Variants in C6orf141 observed in about 807,000 individuals in gnomAD.
C6orf141 encodes uncharacterized protein C6orf141.
For missense variants in C6orf141, 361 were observed against 335.8 expected (o/e 1.07, Z -0.59); for synonymous variants, 164 against 140.5 (o/e 1.17, Z -1.18).
At position 49,551,711 on chromosome 6, in the gene C6orf141, C is replaced by A; in HGVS notation, c.*184C>A. The A allele has an allele frequency of 7.0e-6, 10 of 1,432,686 alleles. No individual in the cohort carries two copies. Among genetic ancestry groups the A allele is most frequent in the Non-Finnish European group, 8.2e-6 (9 of 1,092,936 alleles). 88.7% of individuals were successfully genotyped at this position (1,432,686 alleles called of 1,614,324 possible). A position where few individuals can be genotyped will look rare whatever the true frequency, so the allele number is the denominator to read the frequency against. On this transcript the variant is annotated 3_prime_UTR_variant, in exon 1 of 1. Coordinates refer to ENST00000529246, the MANE Select transcript of C6orf141 (RefSeq NM_001145652.2). ...TAATACCTCCTTTGTGGCTTGAATT[C>A]CTTCGCTGTCTGGGGACCTAAGTCA...
At chr6:49,561,255 A>T (rs1773270387) in intron 4 of C6orf141, among the ~76,000 whole-genome samples, 1 of 152,066 alleles carries the variant, frequency 6.6e-6, no homozygotes, top group South Asian at 2.1e-4. Flanking sequence ...GTGCAGCCAA[A>T]CCTGGCTAAT....
rs1205295841 is a variant in C6orf141 at position 49,551,630 on chromosome 6, C to T, written c.*103C>T. ...CCTGCAATTAACCTACAGAAGGAAC[C>T]TTTTGAGAGGCTGGTGCAGCGCTTC... On this transcript the variant is annotated 3_prime_UTR_variant, in exon 1 of 1. Transcript: ENST00000529246. 1 of 1,498,666 alleles carries T rather than the reference C, an allele frequency of 6.7e-7. No individual in the cohort carries two copies. The highest frequency in any genetic ancestry group is 8.9e-7 in the Non-Finnish European group (1 of 1,127,728). 92.8% of individuals were successfully genotyped at this position (1,498,666 alleles called of 1,614,324 possible).
At chr6:49,560,112 G>A (rs1198689623) in intron 4 of C6orf141, among the ~76,000 whole-genome samples, 2 of 152,074 alleles carry the variant, frequency 1.3e-5, no homozygotes, top group South Asian at 2.1e-4. Flanking sequence ...TCTGGAGTTC[G>A]AAACCAGCCT....
downstream of C6orf141, among the ~76,000 whole-genome samples, chr6:49,554,514 G>A (rs940532510): frequency 1.3e-5 from 2 of 150,946 alleles, no homozygotes; most frequent in Admixed American, 1.3e-4. Flanking sequence ...CTGAGTAGCT[G>A]GGACTACATG....
intron 4 of C6orf141, chr6:49,560,517 C>G (rs536983376): frequency 2.0e-5 from 3 of 152,218 alleles, no homozygotes; most frequent in African/African-American, 7.2e-5. Flanking sequence ...AAAAGTCTTT[C>G]TGCTTTCTTT....
intron 4 of C6orf141, among the ~76,000 whole-genome samples, chr6:49,558,059 G>T (rs1218262211): frequency 2.6e-4 from 25 of 97,742 alleles, no homozygotes; most frequent in Admixed American, 3.9e-4. Flanking sequence ...ACTCAAATAT[G>T]TTTTTTTTTT....
intron 4 of C6orf141, among the ~76,000 whole-genome samples, chr6:49,561,201 G>C (rs1433203822): frequency 6.6e-6 from 1 of 151,778 alleles, no homozygotes; most frequent in African/African-American, 2.4e-5. Flanking sequence ...GGGTTCAAGC[G>C]ATTCTCGTGC....
chr6:49,550,873 G>C lies in C6orf141; in HGVS notation c.81G>C (p.Gly27=). The C allele has an allele frequency of 6.6e-7, 1 of 1,510,368 alleles. No homozygotes were observed. The highest frequency in any genetic ancestry group is 8.8e-7 in the Non-Finnish European group (1 of 1,132,698). The allele number at this position is 1,510,368 out of a possible 1,614,324, so 93.6% of individuals were successfully genotyped here. ...ANPMDSSRSL[G]DLGPFPREVG... is the part of the protein sequence containing the mutation. ...CCATGGACTCCTCCCGCAGCCTGGG[G>C]GACCTCGGGCCTTTTCCGCGGGAGG... is the stretch of plus-strand genomic sequence containing the variant. Residue 27 remains glycine, a synonymous_variant, in exon 1 of 1, where the codon GGG becomes GGC. Coordinates refer to ENST00000529246, the MANE Select transcript of C6orf141 (RefSeq NM_001145652.2).
chr6:49,551,398 G>A lies in C6orf141; in HGVS notation c.606G>A (p.Gln202=). The A allele has an allele frequency of 6.4e-7, 1 of 1,551,706 alleles. No individual in the cohort carries two copies. The highest frequency in any genetic ancestry group is 8.7e-7 in the Non-Finnish European group (1 of 1,146,994). The part of the protein sequence containing the change: ...ALTFRSSREG[Q]PGERWGPAES... Reference sequence around the variant, plus strand: ...CTTTTCGCAGCAGTAGAGAGGGACAGCCTGGGGAACGCTGGGGCCCTGCTG... The same window carrying A: ...CTTTTCGCAGCAGTAGAGAGGGACAACCTGGGGAACGCTGGGGCCCTGCTG... The change falls in exon 1 of 1, where the codon CAG becomes CAA. Residue 202 remains glutamine, a synonymous_variant. Coordinates refer to ENST00000529246, the MANE Select transcript of C6orf141 (RefSeq NM_001145652.2).
downstream of C6orf141, among the ~76,000 whole-genome samples, chr6:49,556,735 A>G (rs994195501): frequency 6.6e-6 from 1 of 152,178 alleles, no homozygotes; most frequent in Non-Finnish European, 1.5e-5. Context: ...GAACACCATG[A>G]CATCTCTATA....
At chr6:49,556,374 G>T (rs537324954), downstream of C6orf141, among the ~76,000 whole-genome samples, 1 of 152,170 alleles carries the variant, frequency 6.6e-6, no homozygotes, top group Non-Finnish European at 1.5e-5. Context: ...AAAGATAGAG[G>T]ATATGAATGG....
chr6:49,559,018 C>A (rs1772685582), intron 4 of C6orf141, among the ~76,000 whole-genome samples: 1 of 151,388 alleles, frequency 6.6e-6, no homozygotes, highest in African/African-American at 2.4e-5. Context: ...TCAGTTTACT[C>A]TTCAATCTAA....
In C6orf141 at chr6:49,551,871, T is replaced by C; in HGVS notation, c.*344T>C. 1 of 1,147,750 alleles carries C rather than the reference T, an allele frequency of 8.7e-7. No homozygotes were observed. Among genetic ancestry groups the C allele is most frequent in the Non-Finnish European group, 1.1e-6 (1 of 921,064 alleles). 71.1% of individuals were successfully genotyped at this position (1,147,750 alleles called of 1,614,324 possible). ...TTTCTGTTCCCCGCCCCCCTCTTGT[T>C]TCTCTTTAGGACCTAGAAACAGAAG... On this transcript the variant is annotated 3_prime_UTR_variant, in exon 1 of 1. Transcript: ENST00000529246.
chr6:49,554,170 G>A (rs1365388038), downstream of C6orf141, among the ~76,000 whole-genome samples: 1 of 152,168 alleles, frequency 6.6e-6, no homozygotes, highest in African/African-American at 2.4e-5. Flanking sequence ...TCACTGAAAA[G>A]AGTTTACATA....
chr6:49,553,458 C>T (rs907374549), downstream of C6orf141, among the ~76,000 whole-genome samples: 3 of 152,180 alleles, frequency 2.0e-5, no homozygotes, highest in African/African-American at 7.2e-5. Context: ...TAACAACCCT[C>T]CCTGACTCCA....
rs1410842690 is a variant in C6orf141, at chr6:49,551,208, G to T, written c.416G>T (p.Arg139Leu). ...CCTTCTGTCTTTCAACGACAAAAGCGAATTTCTGGCAGGCGTGTAGCCCCG... is the reference window on the plus strand; with the variant it reads ...CCTTCTGTCTTTCAACGACAAAAGCTAATTTCTGGCAGGCGTGTAGCCCCG... ...NYPSVFQRQK[R>L]ISGRRVAPPR... The change falls in exon 1 of 1, where the codon CGA becomes CTA. Residue 139 changes from arginine (R) to leucine (L), a missense_variant. Arg to Leu is a moderately radical substitution (Grantham distance 102, BLOSUM62 -2). Coordinates refer to ENST00000529246, the MANE Select transcript of C6orf141 (RefSeq NM_001145652.2). 5 of 1,551,556 alleles carry T rather than the reference G, an allele frequency of 3.2e-6. No homozygotes were observed. The Admixed American group carries it at 9.8e-5, about 30-fold the overall frequency.
downstream of C6orf141, chr6:49,555,106 C>T (rs375683066): frequency 1.1e-4 from 16 of 152,244 alleles, no homozygotes; most frequent in East Asian, 3.9e-4. Context: ...TTCCAGAAGC[C>T]ACTCCAGTGA....
Position 49,551,438 on chromosome 6 carries a change from C to A in C6orf141, c.646C>A (p.Gln216Lys), listed in dbSNP as rs927059926. 4 of 1,551,564 alleles carry A rather than the reference C, an allele frequency of 2.6e-6. No homozygotes were observed. Among genetic ancestry groups the A allele is most frequent in the Non-Finnish European group, 3.5e-6 (4 of 1,146,966 alleles). ...GGGCCCTGCTGAATCCCGGGCTCTC[C>A]AGGCACGAACAGGGGCATCCCGCGT... ...RWGPAESRALQARTGASRVHA... is the reference protein window; with the variant it reads ...RWGPAESRALKARTGASRVHA... The change falls in exon 1 of 1, where the codon CAG becomes AAG. Residue 216 changes from glutamine (Q) to lysine (K), a missense_variant. Gln to Lys is a moderately conservative substitution (Grantham distance 53). Transcript: ENST00000529246.
chr6:49,551,785 G>A lies in C6orf141; in HGVS notation c.*258G>A, dbSNP rs1371730896. ...ATTTTCAGATTGGCAGAATGTGGGA[G>A]TTTTGAAATGAGAAAACCTGTTGTT... On this transcript the variant is annotated 3_prime_UTR_variant, in exon 1 of 1. Coordinates refer to ENST00000529246, the MANE Select transcript of C6orf141 (RefSeq NM_001145652.2). 2.2e-6 allele frequency: 3 copies of A among 1,336,380 alleles called. No homozygotes were observed. The highest frequency in any genetic ancestry group is 1.9e-6 in the Non-Finnish European group (2 of 1,037,672). 82.8% of individuals were successfully genotyped at this position (1,336,380 alleles called of 1,614,324 possible). A position where few individuals can be genotyped will look rare whatever the true frequency, so the allele number is the denominator to read the frequency against.
Sources: allele counts gnomAD v4.1 joint callset (sites outside exome capture counted in the v4.1 genomes callset), GRCh38; gene constraint gnomAD v4.1.1; transcripts MANE v1.5; gene names NCBI Gene and HGNC (gene_info 2026-07-23, HGNC 2026-07-21).